Variants in MALRD1 observed in about 807,000 individuals in gnomAD.
MALRD1 encodes the protein MAM and LDL receptor class A domain containing 1, also known as MAM and LDL-receptor class A domain-containing protein 1.
MALRD1 carries 247 observed loss-of-function variants against 242.1 expected under a neutral mutation model. That is an observed-to-expected ratio of 1.02 (90% CI 0.92 to 1.13). The LOEUF (loss-of-function observed/expected upper bound fraction) is 1.13. Ranked by LOEUF, MALRD1 falls within the 50% of genes most tolerant of loss-of-function variation. MALRD1 has a pLI of 0.00. For synonymous variants in MALRD1, 995 were observed against 866.6 expected, an observed-to-expected ratio of 1.15 and a Z score of -2.60; for missense variants, 2,989 against 2,533.1, an observed-to-expected ratio of 1.18 and a Z score of -3.86.
intron 12 of MALRD1, among the ~76,000 whole-genome samples, chr10:19,157,462 T>A (rs986234775): frequency 6.6e-6 from 1 of 152,046 alleles, no homozygotes; most frequent in African/African-American, 2.4e-5. Flanking sequence ...TTATCCAGGA[T>A]GGTCTCGATC....
intron 36 of MALRD1, among the ~76,000 whole-genome samples, chr10:19,655,564 A>ATG (rs1170247749): frequency 3.5e-4 from 46 of 131,890 alleles, no homozygotes; most frequent in South Asian, 1.2e-3. Flanking sequence ...ATATATATAT[A>ATG]TATATATGGA....
intron 26 of MALRD1, among the ~76,000 whole-genome samples, chr10:19,353,712 T>C (rs1351099519): frequency 6.6e-6 from 1 of 152,288 alleles, no homozygotes; most frequent in East Asian, 1.9e-4. Flanking sequence ...ATACTCTACT[T>C]CTCCAAGAAA....
intron 39 of MALRD1, among the ~76,000 whole-genome samples, chr10:19,732,808 A>G (rs984530564): frequency 3.3e-5 from 5 of 152,148 alleles, no homozygotes; most frequent in Non-Finnish European, 5.9e-5. Context: ...TCCATCAAAG[A>G]CCCACCTTTC....
At chr10:19,522,805 A>G (rs1037871343) in intron 31 of MALRD1, among the ~76,000 whole-genome samples, 5 of 152,172 alleles carry the variant, frequency 3.3e-5, no homozygotes, top group African/African-American at 1.2e-4. Context: ...CTTTTAACTC[A>G]GGCAGTTTGA....
At chr10:19,417,408 T>A (rs1409347605) in intron 28 of MALRD1, among the ~76,000 whole-genome samples, 1 of 152,216 alleles carries the variant, frequency 6.6e-6, no homozygotes, top group East Asian at 1.9e-4. Context: ...TTGTAAATAC[T>A]TAAGAGTTTT....
At chr10:19,543,677 A>G (rs1171278724) in intron 32 of MALRD1, among the ~76,000 whole-genome samples, 2 of 151,998 alleles carry the variant, frequency 1.3e-5, no homozygotes, top group African/African-American at 4.8e-5. Flanking sequence ...CTGTAACCCA[A>G]ACTCTGTAGC....
intron 36 of MALRD1, among the ~76,000 whole-genome samples, chr10:19,687,440 C>T (rs1015176537): frequency 1.3e-4 from 20 of 152,176 alleles, no homozygotes; most frequent in African/African-American, 4.6e-4. Flanking sequence ...CACTTAGCCA[C>T]TCAGCTTCCC....
At chr10:19,476,219 C>T (rs1426790788) in intron 29 of MALRD1, among the ~76,000 whole-genome samples, 1 of 152,138 alleles carries the variant, frequency 6.6e-6, no homozygotes, top group Non-Finnish European at 1.5e-5. Context: ...GAGCTGCCCA[C>T]TAGATGCCTG....
At chr10:19,672,039 T>C (rs1841946213) in intron 36 of MALRD1, among the ~76,000 whole-genome samples, 1 of 152,204 alleles carries the variant, frequency 6.6e-6, no homozygotes. Flanking sequence ...TATGAGACTA[T>C]TACAACATGA....
At chr10:19,722,953 T>C (rs553376318) in intron 38 of MALRD1, among the ~76,000 whole-genome samples, 2 of 152,278 alleles carry the variant, frequency 1.3e-5, no homozygotes, top group Admixed American at 1.3e-4. Flanking sequence ...CCCAGTGCAA[T>C]GTTTAGTACG....
At chr10:19,589,791 T>A (rs1431544650) in intron 33 of MALRD1, among the ~76,000 whole-genome samples, 2 of 152,306 alleles carry the variant, frequency 1.3e-5, no homozygotes, top group East Asian at 3.9e-4. Context: ...CCTTCATCCT[T>A]TCTGATGGTA....
intron 2 of MALRD1, among the ~76,000 whole-genome samples, chr10:19,087,493 T>G (rs183141882): frequency 5.8e-4 from 88 of 151,764 alleles, no homozygotes; most frequent in African/African-American, 2.1e-3. Flanking sequence ...AATTATCACT[T>G]GGCGCCTTAA....
intron 31 of MALRD1, among the ~76,000 whole-genome samples, chr10:19,530,273 T>A (rs1187045992): frequency 7.0e-6 from 1 of 141,874 alleles, no homozygotes; most frequent in African/African-American, 2.6e-5. Flanking sequence ...AATTGTGTAT[T>A]CATTTTTGTC....
chr10:19,530,372 T>G (rs1175384694), intron 31 of MALRD1, among the ~76,000 whole-genome samples: 1 of 97,650 alleles, frequency 1.0e-5, no homozygotes, highest in Non-Finnish European at 1.7e-5. Context: ...TATAAATATT[T>G]ATATAAATAT....
chr10:19,123,600 G>A lies in MALRD1; in HGVS notation c.796+7G>A. ...ACAGATGAAGAGTTGAGATGTAAGT[G>A]TTAAATTGAGATATTCACTTTTCTG... On this transcript the variant is annotated splice_region_variant and intron_variant, in intron 6 of 39. Transcript: ENST00000454679. 8.2e-7 allele frequency: 1 copy of A among 1,225,390 alleles called. No individual in the cohort carries two copies. The highest frequency in any genetic ancestry group is 3.2e-5 in the East Asian group (1 of 31,654). The allele number at this position is 1,225,390 out of a possible 1,614,324, so 75.9% of individuals were successfully genotyped here. A position where few individuals can be genotyped will look rare whatever the true frequency, so the allele number is the denominator to read the frequency against.
At chr10:19,576,891 T>C (rs1836854511) in intron 33 of MALRD1, among the ~76,000 whole-genome samples, 1 of 151,976 alleles carries the variant, frequency 6.6e-6, no homozygotes, top group South Asian at 2.1e-4. Context: ...GTATATCTTA[T>C]AAGGTATTGT....
At chr10:19,184,604 A>G (rs1835657505) in intron 14 of MALRD1, among the ~76,000 whole-genome samples, 1 of 152,038 alleles carries the variant, frequency 6.6e-6, no homozygotes, top group Non-Finnish European at 1.5e-5. Context: ...GCTGGGGTGC[A>G]GTGGTGCGAT....
At chr10:19,697,157 AAG>A (rs961817905) in intron 38 of MALRD1, among the ~76,000 whole-genome samples, 36 of 152,132 alleles carry the variant, frequency 2.4e-4, no homozygotes, top group African/African-American at 8.7e-4. Flanking sequence ...GAGAAAGAGA[AAG>A]AGAGAGAGAG....
chr10:19,437,035 A>G (rs1214553574), intron 28 of MALRD1, among the ~76,000 whole-genome samples: 2 of 152,106 alleles, frequency 1.3e-5, no homozygotes, highest in African/African-American at 4.8e-5. Context: ...TTTGAGGGGG[A>G]ATATAATGAT....
Sources: gnomAD v4.1 joint callset for allele counts (sites outside exome capture counted in the v4.1 genomes callset) on GRCh38, gnomAD v4.1.1 for gene constraint, MANE v1.5 for transcripts, NCBI Gene and HGNC (gene_info 2026-07-23, HGNC 2026-07-21) for gene names.